Variants in PRR14L observed in about 807,000 individuals in gnomAD.
PRR14L encodes protein PRR14L.
In PRR14L, 80 loss-of-function variants were observed where a neutral mutation model predicts 155.0. The ratio of observed to expected loss-of-function variants is 0.52; its 90% CI spans 0.43 to 0.62. The LOEUF is 0.62. PRR14L is among the 20% of genes least tolerant of loss of function. The pLI is 0.00. For synonymous variants in PRR14L, 883 were observed against 916.0 expected, an observed-to-expected ratio of 0.96 and a Z score of 0.65; for missense variants, 2,469 against 2,548.0, an observed-to-expected ratio of 0.97 and a Z score of 0.67.
At position 31,685,294 on chromosome 22, in the gene PRR14L, A is replaced by G. The variant is rs778185985; in HGVS notation, c.*233T>C. ...GGTCCATTTCCAGGAGAAAGGGAGCATTCCTGAGGTTCTATACTCAGCAGT... is the reference window on the plus strand; with the variant it reads ...GGTCCATTTCCAGGAGAAAGGGAGCGTTCCTGAGGTTCTATACTCAGCAGT... On this transcript the variant is annotated 3_prime_UTR_variant, in exon 9 of 9. Coordinates refer to ENST00000327423, the MANE Select transcript of PRR14L (RefSeq NM_173566.3). 12 of 442,754 alleles carry G rather than the reference A, an allele frequency of 2.7e-5. No individual in the cohort carries two copies. The highest frequency in any genetic ancestry group is 4.4e-5 in the Non-Finnish European group (11 of 250,368). The allele number at this position is 442,754 out of a possible 1,614,324, so 27.4% of individuals were successfully genotyped here.
At chr22:31,699,788 A>C (rs936805360) in intron 7 of PRR14L, among the ~76,000 whole-genome samples, 1 of 152,194 alleles carries the variant, frequency 6.6e-6, no homozygotes, top group Admixed American at 6.6e-5. Flanking sequence ...GATGGGCTTA[A>C]ATAAAAGATT....
chr22:31,745,861 A>ATATATAT (rs1453985949), intron 1 of PRR14L, among the ~76,000 whole-genome samples: 1 of 132,348 alleles, frequency 7.6e-6, no homozygotes, highest in Non-Finnish European at 1.6e-5. Context: ...AAAAAAAAAA[A>ATATATAT]ATATATATAT....
intron 4 of PRR14L, among the ~76,000 whole-genome samples, chr22:31,706,261 G>A (rs183233331): frequency 1.3e-5 from 2 of 149,602 alleles, no homozygotes; most frequent in Non-Finnish European, 3.0e-5. Context: ...AACCCGGGAG[G>A]GTGAGGCAGG....
At chr22:31,732,276 C>T (rs902505745) in intron 2 of PRR14L, among the ~76,000 whole-genome samples, 2 of 152,198 alleles carry the variant, frequency 1.3e-5, no homozygotes, top group Admixed American at 6.6e-5. Context: ...CAGAGCAGGC[C>T]TGACTGCTGT....
intron 8 of PRR14L, among the ~76,000 whole-genome samples, chr22:31,686,684 T>C (rs1236580224): frequency 6.6e-6 from 1 of 152,184 alleles, no homozygotes; most frequent in African/African-American, 2.4e-5. Flanking sequence ...TCCTCCCTCC[T>C]TGGCCTCCCA....
intron 4 of PRR14L, among the ~76,000 whole-genome samples, chr22:31,707,976 C>T (rs956860125): frequency 4.6e-5 from 7 of 151,994 alleles, no homozygotes; most frequent in Non-Finnish European, 8.8e-5. Flanking sequence ...ATGCAGAAAT[C>T]CCATCTCTAC....
chr22:31,705,736 A>G (rs1334202270), intron 4 of PRR14L, among the ~76,000 whole-genome samples: 1 of 152,000 alleles, frequency 6.6e-6, no homozygotes, highest in African/African-American at 2.4e-5. Context: ...ACAGTGGCTC[A>G]CACCTGTAAT....
rs1380811991 is a variant in PRR14L at position 31,713,630 on chromosome 22, C to G, written c.4209G>C (p.Glu1403Asp). The G allele has an allele frequency of 1.3e-6, 2 of 1,551,926 alleles. No homozygotes were observed. The highest frequency in any genetic ancestry group is 2.4e-5 in the East Asian group (1 of 40,930). The part of the protein sequence containing the change: ...EVLDYMLQKE[E>D]KYIRQQKAHT... Reference sequence around the variant, plus strand: ...GTGCTTTTTGTTGACGTATATATTTCTCTTCTTTCTGCAACATGTAGTCCA... The same window carrying G: ...GTGCTTTTTGTTGACGTATATATTTGTCTTCTTTCTGCAACATGTAGTCCA... Residue 1403 changes from glutamate to aspartate, a missense_variant, in exon 4 of 9, where the codon GAG becomes GAC. By Grantham distance (45) the Glu-to-Asp change is conservative. Transcript: ENST00000327423.
At chr22:31,737,828 C>T (rs1282554003) in intron 2 of PRR14L, among the ~76,000 whole-genome samples, 2 of 151,952 alleles carry the variant, frequency 1.3e-5, no homozygotes, top group Non-Finnish European at 2.9e-5. Context: ...GCCTGGCCAA[C>T]ATGACGAAAC....
rs901238918 is a variant in PRR14L, at chr22:31,742,029, G to A, written c.-51-3118C>T. 4.6e-5 allele frequency among the ~76,000 whole-genome samples: 7 copies of A among 152,150 alleles called. 1 individual carries two copies. The highest frequency in any genetic ancestry group is 7.3e-5 in the Non-Finnish European group (5 of 68,040). On this transcript the variant is annotated intron_variant, in intron 1 of 8. Coordinates refer to ENST00000327423, the MANE Select transcript of PRR14L (RefSeq NM_173566.3). ...GATGGGGGAGGTTAGTAGAGATAAC[G>A]TGGAGTTGCTATTTGATGCCAAAAA...
chr22:31,709,535 T>G (rs1370905376), intron 4 of PRR14L, among the ~76,000 whole-genome samples: 5 of 74,088 alleles, frequency 6.7e-5, no homozygotes, highest in East Asian at 3.1e-4. Context: ...CCTGTGGGGT[T>G]TTTTTTTTTT....
intron 1 of PRR14L, among the ~76,000 whole-genome samples, chr22:31,746,096 A>G (rs1189753840): frequency 6.6e-6 from 1 of 152,130 alleles, no homozygotes; most frequent in East Asian, 1.9e-4. Flanking sequence ...AACCCAGCAA[A>G]TATTTTTATT....
rs1307773913 is a variant in PRR14L, at chr22:31,713,641, G to C, written c.4198C>G (p.Gln1400Glu). ...QSPEVLDYML[Q>E]KEEKYIRQQK... ...TGACGTATATATTTCTCTTCTTTCT[G>C]CAACATGTAGTCCAAAACCTCAGGG... The change falls in exon 4 of 9, where the codon CAG becomes GAG. Residue 1400 changes from glutamine (Q) to glutamate (E), a missense_variant. By Grantham distance (29) the Gln-to-Glu change is conservative. This residue lies in a region of PRR14L where 2,363 missense variants were observed against 2,371.6 expected (regional missense o/e 1.00). Coordinates refer to ENST00000327423, the MANE Select transcript of PRR14L (RefSeq NM_173566.3). 1 of 1,551,758 alleles carries C rather than the reference G, an allele frequency of 6.4e-7. No homozygotes were observed. The highest frequency in any genetic ancestry group is 8.7e-7 in the Non-Finnish European group (1 of 1,147,044).
At chr22:31,726,361 C>G (rs2147870151) in intron 2 of PRR14L, among the ~76,000 whole-genome samples, 1 of 152,116 alleles carries the variant, frequency 6.6e-6, no homozygotes, top group East Asian at 1.9e-4. Context: ...GAACTCCTGA[C>G]CTCAGGTGAT....
intron 2 of PRR14L, among the ~76,000 whole-genome samples, chr22:31,733,911 CACACACACACATACACCACACAA>C (rs2074764922): frequency 6.6e-6 from 1 of 152,028 alleles, no homozygotes; most frequent in South Asian, 2.1e-4. Context: ...CCACCACACA[CACACACACACATACACCACACAA>C]ACACACACAC....
intron 7 of PRR14L, among the ~76,000 whole-genome samples, chr22:31,698,815 G>A (rs939625968): frequency 6.6e-6 from 1 of 150,552 alleles, no homozygotes; most frequent in Non-Finnish European, 1.5e-5. Context: ...CCAGCTACTC[G>A]GGAGGCTGAG....
intron 7 of PRR14L, among the ~76,000 whole-genome samples, chr22:31,692,121 G>A (rs1382100066): frequency 6.6e-6 from 1 of 152,108 alleles, no homozygotes; most frequent in African/African-American, 2.4e-5. Flanking sequence ...GCCCACCTCG[G>A]CCTCCCAAAG....
intron 3 of PRR14L, among the ~76,000 whole-genome samples, chr22:31,722,898 G>GC (rs376191585): frequency 1.3e-5 from 2 of 152,296 alleles, no homozygotes; most frequent in East Asian, 3.9e-4. Context: ...GGCAGAGCAA[G>GC]CCAAAATGCT....
At chr22:31,727,049 C>T (rs1227246274) in intron 2 of PRR14L, among the ~76,000 whole-genome samples, 1 of 152,138 alleles carries the variant, frequency 6.6e-6, no homozygotes, top group Admixed American at 6.6e-5. Context: ...CCTTCAGATC[C>T]CAAAGGTCTC....
Sources: gnomAD v4.1 joint callset for allele counts (sites outside exome capture counted in the v4.1 genomes callset) on GRCh38, gnomAD v4.1.1 for gene constraint, gnomAD v4.1.1 regional missense constraint, MANE v1.5 for transcripts, NCBI Gene and HGNC (gene_info 2026-07-23, HGNC 2026-07-21) for gene names.